Variants in DGKB observed in about 807,000 individuals in gnomAD.
The protein encoded by DGKB is diacylglycerol kinase beta, also known as 90 kDa diacylglycerol kinase.
Under a neutral mutation model 114.3 loss-of-function variants are expected in DGKB, and 67 were observed. That is an observed-to-expected ratio of 0.59 (90% CI 0.48 to 0.72). The LOEUF (loss-of-function observed/expected upper bound fraction) is 0.72. DGKB is among the 30% of genes least tolerant of loss of function. The pLI, the probability that DGKB is intolerant of heterozygous loss-of-function variation, is 0.00. For missense variants in DGKB, 907 were observed against 975.2 expected (o/e 0.93, Z 0.93); for synonymous variants, 398 against 323.1 (o/e 1.23, Z -2.49).
intron 21 of DGKB, among the ~76,000 whole-genome samples, chr7:14,395,112 G>A (rs1822022871): frequency 6.6e-6 from 1 of 152,078 alleles, no homozygotes; most frequent in Non-Finnish European, 1.5e-5. Context: ...TTTAAAAAAT[G>A]ATCCTACAGC....
At chr7:14,501,569 G>C (rs1786185621) in intron 20 of DGKB, among the ~76,000 whole-genome samples, 1 of 151,834 alleles carries the variant, frequency 6.6e-6, no homozygotes. Flanking sequence ...AAGAGGTAAT[G>C]ACTCAAACAG....
chr7:14,217,812 C>T (rs1789249109), intron 23 of DGKB, among the ~76,000 whole-genome samples: 1 of 152,076 alleles, frequency 6.6e-6, no homozygotes, highest in South Asian at 2.1e-4. Flanking sequence ...AAGTTAGGCT[C>T]TCCTCAAGAC....
chr7:14,698,521 T>A (rs559682122), intron 7 of DGKB, among the ~76,000 whole-genome samples: 47 of 152,240 alleles, frequency 3.1e-4, no homozygotes, highest in African/African-American at 1.1e-3. Flanking sequence ...ACCTTTGGCT[T>A]GAAAATAGAT....
Position 14,736,064 on chromosome 7 carries a change from C to T in DGKB, c.299G>A (p.Ser100Asn). The T allele has an allele frequency of 1.2e-6, 2 of 1,605,614 alleles. No homozygotes were observed. The highest frequency in any genetic ancestry group is 8.5e-7 in the Non-Finnish European group (1 of 1,175,600). ...ACCGCCTGATAGGAGAGCAGGCTTA[C>T]TTTTTACCATTGGACTAGAATGAGG... ...KFPHSSPMVKSKPALLSGGLR... is the reference protein window; with the variant it reads ...KFPHSSPMVKNKPALLSGGLR... Residue 100 changes from serine to asparagine, a missense_variant, in exon 5 of 26, where the codon AGT (serine) becomes AAT (asparagine). Physicochemically the swap from Ser to Asn is conservative, Grantham distance 46. Around this residue, in one of 3 missense-constraint regions of DGKB, gnomAD observed 814 missense variants for 856.6 expected, o/e 0.95. Coordinates refer to ENST00000402815, the MANE Select transcript of DGKB (RefSeq NM_001350709.2).
Position 14,858,761 on chromosome 7 carries a change from T to C in DGKB, c.-187-17311A>G, listed in dbSNP as rs139902763. On this transcript the variant is annotated intron_variant, in intron 1 of 25. Transcript: ENST00000402815. ...AGGAGCTTTAGGTAATTGACCAAAA[T>C]ATAGAGACAAAGTAAATCATCAAGG... 5.3e-5 allele frequency among the ~76,000 whole-genome samples: 8 copies of C among 152,190 alleles called. No homozygotes were observed. The East Asian group carries it at 1.5e-3, about 29-fold the overall frequency.
chr7:14,692,176 CA>C (rs556410397), intron 9 of DGKB, among the ~76,000 whole-genome samples: 5 of 151,180 alleles, frequency 3.3e-5, no homozygotes, highest in South Asian at 2.1e-4. Flanking sequence ...CAGTAGTTTC[CA>C]AAAAAAATCA....
intron 13 of DGKB, among the ~76,000 whole-genome samples, chr7:14,635,658 C>T (rs1038886160): frequency 2.0e-5 from 3 of 151,460 alleles, no homozygotes; most frequent in African/African-American, 7.3e-5. Context: ...ACATATAATT[C>T]ATTAATAGAT....
chr7:14,615,456 T>A (rs1230517388), intron 15 of DGKB, among the ~76,000 whole-genome samples: 1 of 151,842 alleles, frequency 6.6e-6, no homozygotes, highest in Non-Finnish European at 1.5e-5. Context: ...GTATTTTAAG[T>A]TATATACTGT....
intron 21 of DGKB, among the ~76,000 whole-genome samples, chr7:14,369,562 C>G (rs1263082647): frequency 6.6e-6 from 1 of 152,174 alleles, no homozygotes; most frequent in Non-Finnish European, 1.5e-5. Flanking sequence ...TCCTATTTCT[C>G]CACATCCTCT....
At chr7:14,502,108 A>C (rs909355332) in intron 20 of DGKB, among the ~76,000 whole-genome samples, 1 of 151,928 alleles carries the variant, frequency 6.6e-6, no homozygotes, top group African/African-American at 2.4e-5. Flanking sequence ...ATTTATCTTA[A>C]TGTCTTGGAT....
rs200476175 is a variant in DGKB, at chr7:14,424,807, T to C, written c.1835+53354A>G. On this transcript the variant is annotated intron_variant, in intron 21 of 25. Transcript: ENST00000402815. ...TTGCCCAGATCACACAGCAAGTAAGTAGTAGAACAGGAATTCAAATGTAGG... is the reference window on the plus strand; with the variant it reads ...TTGCCCAGATCACACAGCAAGTAAGCAGTAGAACAGGAATTCAAATGTAGG... Among the ~76,000 whole-genome samples the C allele has an allele frequency of 2.0e-5, 3 of 152,168 alleles. No homozygotes were observed. The East Asian group carries it at 5.8e-4, about 29-fold the overall frequency.
Position 14,464,405 on chromosome 7 carries a change from AAAGT to A in DGKB, c.1835+13752_1835+13755del, listed in dbSNP as rs144631162. Among the ~76,000 whole-genome samples the A allele has an allele frequency of 3.9e-3, 587 of 152,304 alleles. 2 individuals are homozygous for A. The highest frequency in any genetic ancestry group is 0.013 in the African/African-American group (545 of 41,584). ...TGAATTAAATAAGACAAAGTTAGTA[AAAGT>A]AAGATGAAAAGTAAGTAAACAAAAT... is the stretch of plus-strand genomic sequence containing the variant. On this transcript the variant is annotated intron_variant, in intron 21 of 25. Coordinates refer to ENST00000402815, the MANE Select transcript of DGKB (RefSeq NM_001350709.2).
In DGKB at chr7:14,871,905, C is replaced by T. The variant is rs771961949; in HGVS notation, c.-187-30455G>A. On this transcript the variant is annotated intron_variant, in intron 1 of 25. Transcript: ENST00000402815. ...GTTTTCATACTTTTATTTTAAATAA[C>T]CTTTAGAAGTTTGAAATACAAGTAT... Among the ~76,000 whole-genome samples, 100 of 151,934 alleles carry T rather than the reference C, an allele frequency of 6.6e-4. 1 individual carries two copies. The highest frequency in any genetic ancestry group is 2.6e-4 in the Admixed American group (4 of 15,250).
At chr7:14,293,389 A>T (rs867980801) in intron 23 of DGKB, among the ~76,000 whole-genome samples, 1 of 152,098 alleles carries the variant, frequency 6.6e-6, no homozygotes, top group Admixed American at 6.6e-5. Flanking sequence ...TCTGTTTTCT[A>T]TTGCATTGCT....
chr7:14,567,263 T>A (rs1231265505), intron 20 of DGKB, among the ~76,000 whole-genome samples: 32 of 42,394 alleles, frequency 7.5e-4, no homozygotes, highest in Non-Finnish European at 9.9e-4. Flanking sequence ...TATTTATATA[T>A]TATATATATA....
intron 20 of DGKB, among the ~76,000 whole-genome samples, chr7:14,510,178 T>A (rs1275253651): frequency 6.6e-6 from 1 of 152,100 alleles, no homozygotes; most frequent in Non-Finnish European, 1.5e-5. Context: ...AAGACAACAA[T>A]CAAGTTTGCC....
intron 1 of DGKB, among the ~76,000 whole-genome samples, chr7:14,847,642 A>G (rs1366495077): frequency 6.6e-6 from 1 of 152,204 alleles, no homozygotes; most frequent in Non-Finnish European, 1.5e-5. Context: ...AAGAGCTACA[A>G]TAACTAAACC....
At chr7:14,546,898 T>A (rs1234798339) in intron 20 of DGKB, among the ~76,000 whole-genome samples, 1 of 152,162 alleles carries the variant, frequency 6.6e-6, no homozygotes, top group African/African-American at 2.4e-5. Context: ...TCCCAAGCAA[T>A]CCTGATCAAA....
intron 4 of DGKB, among the ~76,000 whole-genome samples, chr7:14,748,364 T>A (rs1041605714): frequency 1.3e-5 from 2 of 152,192 alleles, no homozygotes; most frequent in Non-Finnish European, 2.9e-5. Context: ...GTTTTTTAAA[T>A]CCAATTATCA....
Sources: gnomAD v4.1 joint callset for allele counts (sites outside exome capture counted in the v4.1 genomes callset) on GRCh38, gnomAD v4.1.1 for gene constraint, gnomAD v4.1.1 regional missense constraint, MANE v1.5 for transcripts, NCBI Gene and HGNC (gene_info 2026-07-23, HGNC 2026-07-21) for gene names.